The following ZC3H13 variants were observed in gnomAD, a reference collection of about 807,000 sequenced individuals.
The protein encoded by ZC3H13 is zinc finger CCCH domain-containing protein 13.
Under a neutral mutation model 204.1 loss-of-function variants are expected in ZC3H13, and 64 were observed. The ratio of observed to expected loss-of-function variants is 0.31; its 90% CI spans 0.26 to 0.39. The LOEUF is 0.39. Ranked by LOEUF, ZC3H13 falls within the 10% of genes least tolerant of loss-of-function variation. The probability of loss-of-function intolerance (pLI) is 1.00; values close to 1 mark genes in which losing one functional copy is unlikely to be tolerated. For synonymous variants in ZC3H13, 667 were observed against 693.7 expected (o/e 0.96, Z 0.60); for missense variants, 1,833 against 2,082.7 (o/e 0.88, Z 2.33).
intron 4 of ZC3H13, among the ~76,000 whole-genome samples, chr13:46,025,114 T>C (rs1264474360): frequency 6.6e-6 from 1 of 152,226 alleles, no homozygotes; most frequent in Non-Finnish European, 1.5e-5. Flanking sequence ...CATTCTCACC[T>C]GCTACTAATA....
intron 4 of ZC3H13, among the ~76,000 whole-genome samples, chr13:46,041,955 T>C (rs748481858): frequency 9.9e-5 from 15 of 152,078 alleles, no homozygotes; most frequent in Non-Finnish European, 2.2e-4. Context: ...TTCTGCCAAC[T>C]AATCCCTTTC....
At position 46,010,617 on chromosome 13, in the gene ZC3H13, C is replaced by T. The variant is rs139969228; in HGVS notation, c.589-112G>A. The T allele has an allele frequency of 2.0e-5, 23 of 1,167,422 alleles. No homozygotes were observed. The East Asian group carries it at 2.3e-4, about 12-fold the overall frequency. 72.3% of individuals were successfully genotyped at this position (1,167,422 alleles called of 1,614,324 possible). A position where few individuals can be genotyped will look rare whatever the true frequency, so the allele number is the denominator to read the frequency against. ...TCAGATTAAAATTAAATATTATTGC[C>T]GGGTGCAGTGGTTCACACCTGTAAT... On this transcript the variant is annotated intron_variant, in intron 6 of 18. Coordinates refer to ENST00000679008, the MANE Select transcript of ZC3H13 (RefSeq NM_001330564.2).
At chr13:46,012,724 ATATT>A (rs1459865186) in intron 5 of ZC3H13, among the ~76,000 whole-genome samples, 1 of 152,214 alleles carries the variant, frequency 6.6e-6, no homozygotes, top group Non-Finnish European at 1.5e-5. Flanking sequence ...CAATTACTAA[ATATT>A]TAATTAAGGG....
At chr13:46,048,453 C>T (rs752247276) in intron 1 of ZC3H13, among the ~76,000 whole-genome samples, 6 of 151,600 alleles carry the variant, frequency 4.0e-5, no homozygotes, top group Admixed American at 6.6e-5. Context: ...TGGTGGCAGG[C>T]GCCTGTAGTC....
At chr13:46,045,262 C>A in intron 2 of ZC3H13, 129 bp downstream of exon 2, 1 of 1,015,676 alleles carries the variant, frequency 9.8e-7, no homozygotes, top group Admixed American at 2.3e-5. Context: ...TTTTATAAAA[C>A]ACACTTTAAA....
intron 10 of ZC3H13, among the ~76,000 whole-genome samples, chr13:45,984,848 G>C (rs1472537398): frequency 6.6e-6 from 1 of 152,182 alleles, no homozygotes; most frequent in Non-Finnish European, 1.5e-5. Flanking sequence ...ATAATGACGT[G>C]TGGCAGTTTG....
At chr13:46,015,021 G>T (rs1351505602) in intron 5 of ZC3H13, among the ~76,000 whole-genome samples, 1 of 152,062 alleles carries the variant, frequency 6.6e-6, no homozygotes, top group East Asian at 1.9e-4. Flanking sequence ...TGAACATTTT[G>T]ATATATACTT....
intron 8 of ZC3H13, among the ~76,000 whole-genome samples, chr13:45,994,681 A>AT (rs2040206834): frequency 6.6e-6 from 1 of 152,204 alleles, no homozygotes; most frequent in South Asian, 2.1e-4. Context: ...TTAAAATACA[A>AT]TAAAACCCAG....
At chr13:45,996,917 A>G (rs1305086911) in intron 8 of ZC3H13, among the ~76,000 whole-genome samples, 2 of 152,252 alleles carry the variant, frequency 1.3e-5, no homozygotes, top group Non-Finnish European at 2.9e-5. Flanking sequence ...TACAAGGTTC[A>G]GCACTATCTG....
chr13:46,040,708 A>G (rs1208191532), intron 4 of ZC3H13, among the ~76,000 whole-genome samples: 1 of 152,196 alleles, frequency 6.6e-6, no homozygotes, highest in Non-Finnish European at 1.5e-5. Flanking sequence ...TACATATACG[A>G]TAAGGGACTT....
chr13:46,041,027 TA>T (rs59426083), intron 4 of ZC3H13, among the ~76,000 whole-genome samples: 2,255 of 152,218 alleles, frequency 0.015, 20 homozygotes, highest in South Asian at 0.053. Flanking sequence ...AGAAGTTCAT[TA>T]AAAGGTTAAA....
intron 6 of ZC3H13, among the ~76,000 whole-genome samples, chr13:46,010,915 A>G (rs1187257614): frequency 6.6e-6 from 1 of 152,146 alleles, no homozygotes; most frequent in South Asian, 2.1e-4. Context: ...AATAAAAATA[A>G]TAAAATTATA....
chr13:45,973,252 C>T (rs1952735313), intron 12 of ZC3H13, among the ~76,000 whole-genome samples: 1 of 152,130 alleles, frequency 6.6e-6, no homozygotes, highest in Admixed American at 6.5e-5. Flanking sequence ...ATAAATACAG[C>T]AATTAGGCAA....
chr13:45,988,581 C>A (rs2039727751), intron 9 of ZC3H13, among the ~76,000 whole-genome samples: 1 of 152,138 alleles, frequency 6.6e-6, no homozygotes, highest in Non-Finnish European at 1.5e-5. Context: ...AAAGAAAGCA[C>A]CAGCTTAGTA....
chr13:45,989,415 G>C (rs549556592), intron 8 of ZC3H13, among the ~76,000 whole-genome samples: 15 of 152,148 alleles, frequency 9.9e-5, no homozygotes, highest in Non-Finnish European at 2.2e-4. Flanking sequence ...GATAATCTCT[G>C]AAAGTGTGAA....
rs780277902 is a variant in ZC3H13 at position 45,988,851 on chromosome 13, C to G, written c.1191G>C (p.Glu397Asp). 3.7e-6 allele frequency: 6 copies of G among 1,614,202 alleles called. No homozygotes were observed. Among genetic ancestry groups the G allele is most frequent in the Middle Eastern group, 1.6e-4 (1 of 6,062 alleles). The change falls in exon 9 of 19, where the codon GAG becomes GAC. Residue 397 changes from glutamate (E) to aspartate (D), a missense_variant. Glu to Asp is a conservative substitution (Grantham distance 45). Around this residue, in one of 5 missense-constraint regions of ZC3H13, gnomAD observed 1,574 missense variants for 1,757.2 expected, o/e 0.90. Transcript: ENST00000679008. The part of the protein sequence containing the change: ...SPPRHRSPMR[E>D]KGRHDHERTS... ...TTCGTTCATGATCATGTCTCCCTTT[C>G]TCTCGCATTGGAGAGCGATGTCTTG...
chr13:45,957,379 AAT>A, intron 18 of ZC3H13, 82 bp from the exon 19 acceptor site: 1 of 1,198,024 alleles, frequency 8.3e-7, no homozygotes, highest in Non-Finnish European at 1.1e-6. Flanking sequence ...CTCTACCCAA[AAT>A]ATCAAAGTTA....
At chr13:46,000,077 C>T (rs537823218) in intron 8 of ZC3H13, among the ~76,000 whole-genome samples, 3 of 152,258 alleles carry the variant, frequency 2.0e-5, no homozygotes, top group Admixed American at 6.5e-5. Flanking sequence ...CTTGTTTTTC[C>T]ACTTAAGAGC....
chr13:46,000,382 ATGTGCTGCTTCATCTTGCACTTT>A (rs1172966056), intron 8 of ZC3H13, among the ~76,000 whole-genome samples: 18 of 152,354 alleles, frequency 1.2e-4, no homozygotes, highest in African/African-American at 2.9e-4. Flanking sequence ...CTTCATCAGC[ATGTGCTGCTTCATCTTGCACTTT>A]TGTGCTGCTT....
Sources: allele counts gnomAD v4.1 joint callset (sites outside exome capture counted in the v4.1 genomes callset), GRCh38; gene constraint gnomAD v4.1.1; regional missense constraint gnomAD v4.1.1; transcripts MANE v1.5; gene names NCBI Gene and HGNC (gene_info 2026-07-23, HGNC 2026-07-21).